The following RTL4 variants were observed in gnomAD, a reference collection of about 807,000 sequenced individuals.
The protein encoded by RTL4 is retrotransposon Gag like 4.
A neutral mutation model predicts 5.3 loss-of-function variants in RTL4; 4 were observed. The ratio of observed to expected loss-of-function variants is 0.75; its 90% CI spans 0.37 to 1.72. The LOEUF (loss-of-function observed/expected upper bound fraction) is 1.72. Among genes scored for constraint, RTL4 ranks in the 40% most tolerant of loss-of-function variants. RTL4 has a pLI of 0.04. For synonymous variants in RTL4, 98 were observed against 87.3 expected, an observed-to-expected ratio of 1.12 and a Z score of -0.68; for missense variants, 260 against 227.1, an observed-to-expected ratio of 1.14 and a Z score of -0.93.
At position 112,455,125 on chromosome X, in the gene RTL4, C is replaced by T; in HGVS notation, c.397C>T (p.Gln133Ter). The T allele has an allele frequency of 8.3e-7, 1 of 1,211,687 alleles. No homozygotes were observed. Among genetic ancestry groups the T allele is most frequent in the South Asian group, 1.8e-5 (1 of 56,967 alleles). Residue 133 changes from glutamine to a stop codon, truncating the protein, a stop_gained, in exon 1 of 1, where the codon CAG becomes TAG. Transcript: ENST00000340433. LOFTEE classifies it low-confidence loss of function (END_TRUNC). ...ATATGAGAATCTTATTCTTGAGTTC[C>T]AGCAGTCATTTGGTAAACCCACAAA...
chrX:112,083,704 C>T, the RTL4 span, among the ~76,000 whole-genome samples: 59 of 111,553 alleles, frequency 5.3e-4, no homozygotes, highest in African/African-American at 1.9e-3. Flanking sequence ...ACTTGGGCCA[C>T]TCTTTGATCT....
At chrX:112,362,200 T>G in the RTL4 span, among the ~76,000 whole-genome samples, 4 of 112,249 alleles carry the variant, frequency 3.6e-5, no homozygotes, top group Non-Finnish European at 7.5e-5. Context: ...TTGGATTTGT[T>G]CATTCATGCA....
chrX:112,273,666 G>A, the RTL4 span, among the ~76,000 whole-genome samples: 14 of 111,829 alleles, frequency 1.3e-4, no homozygotes, highest in Admixed American at 5.7e-4. Context: ...AGTTCTGAGT[G>A]CAAACTGCCT....
chrX:112,325,474 C>T, the RTL4 span, among the ~76,000 whole-genome samples: 4 of 111,419 alleles, frequency 3.6e-5, no homozygotes, highest in Admixed American at 9.6e-5. Flanking sequence ...TGGAACAGAA[C>T]GGAGCCCTCA....
chrX:112,289,661 C>G, the RTL4 span, among the ~76,000 whole-genome samples: 1 of 111,496 alleles, frequency 9.0e-6, no homozygotes, highest in African/African-American at 3.3e-5. Flanking sequence ...ATGTATGTCA[C>G]AAGCCTAGCA....
At chrX:112,276,390 T>G in the RTL4 span, among the ~76,000 whole-genome samples, 1 of 112,057 alleles carries the variant, frequency 8.9e-6, no homozygotes, top group Non-Finnish European at 1.9e-5. Context: ...ACAACCCAGT[T>G]TACATTGTCA....
chrX:112,306,292 C>T, the RTL4 span, among the ~76,000 whole-genome samples: 2 of 111,045 alleles, frequency 1.8e-5, no homozygotes, highest in Admixed American at 9.7e-5. Flanking sequence ...GAGTAAGCTA[C>T]GGTGTGCAGT....
the RTL4 span, among the ~76,000 whole-genome samples, chrX:112,202,365 CT>C: frequency 9.1e-6 from 1 of 109,463 alleles, no homozygotes; most frequent in Admixed American, 9.9e-5. Context: ...TTTGTATAAC[CT>C]TTTACCTGCA....
chrX:112,324,750 G>C, the RTL4 span, among the ~76,000 whole-genome samples: 6 of 110,702 alleles, frequency 5.4e-5, no homozygotes, highest in African/African-American at 2.0e-4. Flanking sequence ...TTAATTTATT[G>C]AGCTTTTTTG....
chrX:112,235,461 A>T, the RTL4 span, among the ~76,000 whole-genome samples: 1 of 111,404 alleles, frequency 9.0e-6, no homozygotes, highest in African/African-American at 3.3e-5. Context: ...CAATCCCCAT[A>T]ATTGGCTTCA....
At chrX:112,156,200 A>G in the RTL4 span, among the ~76,000 whole-genome samples, 1 of 112,569 alleles carries the variant, frequency 8.9e-6, no homozygotes, top group Non-Finnish European at 1.9e-5. Flanking sequence ...AGAGACAGCA[A>G]TGTCCTTACT....
At chrX:112,149,180 T>C in the RTL4 span, among the ~76,000 whole-genome samples, 1 of 112,075 alleles carries the variant, frequency 8.9e-6, no homozygotes, top group East Asian at 2.8e-4. Flanking sequence ...AGATATTTAA[T>C]AGGTGCCTGC....
the RTL4 span, among the ~76,000 whole-genome samples, chrX:112,234,576 G>A: frequency 8.9e-6 from 1 of 112,071 alleles, no homozygotes; most frequent in Non-Finnish European, 1.9e-5. Context: ...GACTTTCACA[G>A]GTTGTACTTG....
the RTL4 span, among the ~76,000 whole-genome samples, chrX:112,254,619 G>A: frequency 8.1e-5 from 9 of 110,496 alleles, no homozygotes; most frequent in African/African-American, 2.0e-4. Context: ...GAGCCACCGC[G>A]CCTGGCCACC....
the RTL4 span, among the ~76,000 whole-genome samples, chrX:112,190,189 T>TTTC: frequency 7.5e-5 from 8 of 106,152 alleles, no homozygotes; most frequent in African/African-American, 2.1e-4. Flanking sequence ...TCTTTCTTTC[T>TTTC]TTCTTTCTTT....
At chrX:112,192,301 A>G in the RTL4 span, among the ~76,000 whole-genome samples, 19 of 110,597 alleles carry the variant, frequency 1.7e-4, no homozygotes, top group African/African-American at 5.9e-4. Flanking sequence ...AATGTTGAGT[A>G]GAAATGATGA....
chrX:112,104,615 T>C, the RTL4 span, among the ~76,000 whole-genome samples: 48 of 112,157 alleles, frequency 4.3e-4, no homozygotes, highest in Non-Finnish European at 6.8e-4. Context: ...TAACACTTCA[T>C]TGTGGTTTAA....
At chrX:112,324,332 G>T in the RTL4 span, among the ~76,000 whole-genome samples, 1 of 111,903 alleles carries the variant, frequency 8.9e-6, no homozygotes, top group South Asian at 3.7e-4. Flanking sequence ...CAGTGCAGAA[G>T]CTTTTTGGTT....
the RTL4 span, among the ~76,000 whole-genome samples, chrX:112,177,773 T>C: frequency 5.4e-5 from 6 of 111,057 alleles, no homozygotes; most frequent in African/African-American, 2.0e-4. Flanking sequence ...GACCATCCAG[T>C]TTCTTATTTC....
Sources: allele counts gnomAD v4.1 joint callset (sites outside exome capture counted in the v4.1 genomes callset), GRCh38; gene constraint gnomAD v4.1.1; transcripts MANE v1.5; gene names NCBI Gene and HGNC (gene_info 2026-07-23, HGNC 2026-07-21).